The following NCOR2 variants were observed in gnomAD, a reference collection of about 807,000 sequenced individuals.
NCOR2 encodes nuclear receptor corepressor 2.
A neutral mutation model predicts 262.9 loss-of-function variants in NCOR2; 81 were observed. That is an observed-to-expected ratio of 0.31 (90% CI 0.26 to 0.37). The LOEUF (loss-of-function observed/expected upper bound fraction) is 0.37, where lower values mean the gene tolerates loss of function less well. Among genes scored for constraint, NCOR2 ranks in the 10% least tolerant of loss-of-function variants. The pLI is 1.00. For synonymous variants in NCOR2, 1,659 were observed against 1,559.3 expected, an observed-to-expected ratio of 1.06 and a Z score of -1.51; for missense variants, 3,385 against 3,621.4, an observed-to-expected ratio of 0.93 and a Z score of 1.68.
chr12:124,390,046 G>A (rs930352199), intron 16 of NCOR2, among the ~76,000 whole-genome samples: 3 of 152,162 alleles, frequency 2.0e-5, no homozygotes, highest in African/African-American at 7.2e-5. Context: ...AGGCGTCTCT[G>A]GAATGTCCCT....
chr12:124,544,948 C>A (rs1594047940), intron 1 of NCOR2, among the ~76,000 whole-genome samples: 1 of 152,174 alleles, frequency 6.6e-6, no homozygotes, highest in Non-Finnish European at 1.5e-5. Context: ...CCCGCTCCAG[C>A]CCTAGTGCTG....
At chr12:124,393,103 G>A (rs1413854394) in intron 16 of NCOR2, among the ~76,000 whole-genome samples, 2 of 152,246 alleles carry the variant, frequency 1.3e-5, no homozygotes, top group Admixed American at 6.5e-5. Context: ...CAGAGAAGAG[G>A]GCTGGGGCCT....
intron 1 of NCOR2, among the ~76,000 whole-genome samples, chr12:124,519,811 A>C (rs549515283): frequency 6.1e-4 from 93 of 152,228 alleles, no homozygotes; most frequent in African/African-American, 2.2e-3. Flanking sequence ...GCCTCACACC[A>C]CCGCGGCATA....
chr12:124,520,728 T>A (rs143846122), intron 1 of NCOR2, among the ~76,000 whole-genome samples: 1 of 152,088 alleles, frequency 6.6e-6, no homozygotes, highest in Admixed American at 6.6e-5. Flanking sequence ...AATAAGCCAG[T>A]GTCTGGTTAT....
upstream of NCOR2, among the ~76,000 whole-genome samples, chr12:124,495,862 T>C (rs1381434074): frequency 6.6e-6 from 1 of 152,138 alleles, no homozygotes; most frequent in African/African-American, 2.4e-5. This position sits in a 1 kb window ranked among gnomAD's most constrained non-coding sequence, Gnocchi z 4.4. Context: ...CAGCATGACC[T>C]GGGCAAGGCT....
intron 1 of NCOR2, among the ~76,000 whole-genome samples, chr12:124,552,470 C>G (rs2051742962): frequency 6.6e-6 from 1 of 152,208 alleles, no homozygotes; most frequent in African/African-American, 2.4e-5. Flanking sequence ...CAGCCACAGC[C>G]CCCAGGTCAA....
chr12:124,455,538 C>T (rs771702848), intron 6 of NCOR2, among the ~76,000 whole-genome samples: 1 of 152,236 alleles, frequency 6.6e-6, no homozygotes, highest in Non-Finnish European at 1.5e-5. Flanking sequence ...GAGCCCGGGG[C>T]TTGTAGTTCC....
At chr12:124,365,367 C>T (rs2038947115) in intron 20 of NCOR2, among the ~76,000 whole-genome samples, 1 of 152,214 alleles carries the variant, frequency 6.6e-6, no homozygotes, top group Admixed American at 6.5e-5. Flanking sequence ...GGACACAACT[C>T]ACACCACCCC....
rs11057607 is a variant in NCOR2 at position 124,378,649 on chromosome 12, G to A, written c.2020-265C>T. Among the ~76,000 whole-genome samples the A allele has an allele frequency of 1.3e-5, 2 of 152,170 alleles. No individual in the cohort carries two copies. The highest frequency in any genetic ancestry group is 2.4e-5 in the African/African-American group (1 of 41,534). ...CCACCCTGACATCCTTCCTGAGCAC[G>A]AGAGAACCTGCCTGACATTGCCCAG... is the stretch of plus-strand genomic sequence containing the variant. On this transcript the variant is annotated intron_variant, in intron 17 of 46. Transcript: ENST00000405201. The surrounding 1 kb of genome is among the most constrained non-coding windows in gnomAD (Gnocchi z 4.2).
chr12:124,402,338 C>G, intron 14 of NCOR2, 66 bp downstream of exon 16: 1 of 1,600,046 alleles, frequency 6.2e-7, no homozygotes, highest in Non-Finnish European at 8.5e-7. Flanking sequence ...AAGGGTCCCC[C>G]AGAACCGTGT....
chr12:124,469,298 G>C (rs1188453886), intron 4 of NCOR2, among the ~76,000 whole-genome samples: 1 of 152,124 alleles, frequency 6.6e-6, no homozygotes, highest in African/African-American at 2.4e-5. Context: ...GTGAACACAG[G>C]AAAAGCCAGA....
chr12:124,526,237 C>T (rs934729974), intron 1 of NCOR2, among the ~76,000 whole-genome samples: 2 of 152,172 alleles, frequency 1.3e-5, no homozygotes, highest in African/African-American at 4.8e-5. Context: ...CTCCTCTCTC[C>T]ACCCCAGGTG....
chr12:124,353,389 G>C (rs1013594174), intron 27 of NCOR2, among the ~76,000 whole-genome samples: 2 of 152,260 alleles, frequency 1.3e-5, no homozygotes, highest in Non-Finnish European at 2.9e-5. Flanking sequence ...AAAACCTGCA[G>C]ATTTCAGAGA....
intron 8 of NCOR2, among the ~76,000 whole-genome samples, chr12:124,437,455 G>A (rs2136404437): frequency 6.6e-6 from 1 of 152,342 alleles, no homozygotes; most frequent in East Asian, 1.9e-4. Flanking sequence ...CAGGCTCAGG[G>A]AAAGGGGGCT....
At chr12:124,490,654 A>G (rs532831604) in intron 1 of NCOR2, among the ~76,000 whole-genome samples, 2 of 152,282 alleles carry the variant, frequency 1.3e-5, no homozygotes, top group African/African-American at 4.8e-5. Context: ...AGGACACTGC[A>G]AAGCCTCCCA....
chr12:124,437,812 G>C, intron 8 of NCOR2, 118 bp downstream of exon 10: 2 of 956,148 alleles, frequency 2.1e-6, no homozygotes, highest in Admixed American at 5.0e-5. Context: ...CCGCAGCCTG[G>C]ACACTCAGGG....
At chr12:124,467,219 A>G in intron 4 of NCOR2, among the ~76,000 whole-genome samples, 1 of 105,894 alleles carries the variant, frequency 9.4e-6, no homozygotes, top group Non-Finnish European at 1.9e-5. Context: ...CATCACTGTC[A>G]TCCTCATCAC....
chr12:124,359,819 T>C (rs1253877026), intron 22 of NCOR2, among the ~76,000 whole-genome samples: 1 of 152,254 alleles, frequency 6.6e-6, no homozygotes, highest in Non-Finnish European at 1.5e-5. Flanking sequence ...TGAGCCGCTC[T>C]GTGTGGGAGC....
chr12:124,377,330 G>T (rs1235060187), intron 18 of NCOR2, among the ~76,000 whole-genome samples: 6 of 152,174 alleles, frequency 3.9e-5, no homozygotes, highest in African/African-American at 1.4e-4. Flanking sequence ...GGTACCTGGG[G>T]CGCCTGGGCC....
Sources: allele counts gnomAD v4.1 joint callset (sites outside exome capture counted in the v4.1 genomes callset), GRCh38; gene constraint gnomAD v4.1.1; non-coding constraint Gnocchi (gnomAD v3.1); transcripts MANE v1.5; gene names NCBI Gene and HGNC (gene_info 2026-07-23, HGNC 2026-07-21).